The following CPXM2 variants were observed in gnomAD, a reference collection of about 807,000 sequenced individuals.
CPXM2 encodes the protein carboxypeptidase X, M14 family member 2, also known as inactive carboxypeptidase-like protein X2.
Under a neutral mutation model 86.1 loss-of-function variants are expected in CPXM2, and 66 were observed. The ratio of observed to expected loss-of-function variants is 0.77; its 90% CI spans 0.63 to 0.94. The LOEUF (loss-of-function observed/expected upper bound fraction) is 0.94. Ranked by LOEUF, CPXM2 falls within the 40% of genes least tolerant of loss-of-function variation. CPXM2 has a pLI of 0.00. For missense variants in CPXM2, 948 were observed against 1,026.3 expected, an observed-to-expected ratio of 0.92 and a Z score of 1.04; for synonymous variants, 388 against 400.2, an observed-to-expected ratio of 0.97 and a Z score of 0.36.
At position 123,891,646 on chromosome 10, in the gene CPXM2, C is replaced by A. The variant is rs1012503053; in HGVS notation, c.14G>T (p.Gly5Val). The A allele has an allele frequency of 3.5e-6, 5 of 1,446,056 alleles. No homozygotes were observed. Among genetic ancestry groups the A allele is most frequent in the Non-Finnish European group, 4.5e-6 (5 of 1,099,374 alleles). 89.6% of individuals were successfully genotyped at this position (1,446,056 alleles called of 1,614,324 possible). The change falls in exon 1 of 14, where the codon GGG becomes GTG. Residue 5 changes from glycine (G) to valine (V), a missense_variant. Transcript: ENST00000241305. The surrounding 1 kb of genome is among the most constrained non-coding windows in gnomAD (Gnocchi z 5.6). MSRP[G>V]TATPALALVL... ...CAGGGCCAGCGCTGGGGTAGCGGTC[C>A]CCGGGCGGGACATGCCTGCTCCGCC...
chr10:123,856,639 T>C (rs1848730205), intron 3 of CPXM2, among the ~76,000 whole-genome samples: 1 of 152,080 alleles, frequency 6.6e-6, no homozygotes, highest in South Asian at 2.1e-4. Context: ...TCGCCCAGGC[T>C]GGAGTGCAGT....
chr10:123,846,446 C>A (rs1186634772), intron 3 of CPXM2, among the ~76,000 whole-genome samples: 1 of 152,136 alleles, frequency 6.6e-6, no homozygotes, highest in Non-Finnish European at 1.5e-5. Flanking sequence ...GGAGTTCAGG[C>A]CGTAATTTGA....
At chr10:123,895,752 C>G (rs890448446), upstream of CPXM2, among the ~76,000 whole-genome samples, 1 of 152,174 alleles carries the variant, frequency 6.6e-6, no homozygotes, top group Non-Finnish European at 1.5e-5. Flanking sequence ...GTGCTATAAA[C>G]CAGACACACC....
chr10:123,772,086 T>C (rs1203663273), intron 7 of CPXM2, among the ~76,000 whole-genome samples: 3 of 152,194 alleles, frequency 2.0e-5, no homozygotes, highest in Admixed American at 6.5e-5. Flanking sequence ...ATCAACTCCC[T>C]GGTTATGGTG....
rs1307668643 is a variant in CPXM2, at chr10:123,891,624, G to C, written c.36C>G (p.Ala12=). 6.7e-7 allele frequency: 1 copy of C among 1,485,508 alleles called. No individual in the cohort carries two copies. The allele number at this position is 1,485,508 out of a possible 1,614,324, so 92.0% of individuals were successfully genotyped here. The change falls in exon 1 of 14, where the codon GCC becomes GCG. Residue 12 remains alanine, a synonymous_variant. Transcript: ENST00000241305. This position sits in a 1 kb window ranked among gnomAD's most constrained non-coding sequence, Gnocchi z 5.6. ...CCAGGGTCACTGCCAGGAGCACCAG[G>C]GCCAGCGCTGGGGTAGCGGTCCCCG... ...SRPGTATPAL[A]LVLLAVTLAG... is the part of the protein sequence containing the mutation.
intron 3 of CPXM2, among the ~76,000 whole-genome samples, chr10:123,847,915 T>C (rs1352423668): frequency 6.6e-6 from 1 of 152,174 alleles, no homozygotes; most frequent in African/African-American, 2.4e-5. Flanking sequence ...AATCATGGGC[T>C]GCCTCTACAC....
intron 2 of CPXM2, among the ~76,000 whole-genome samples, chr10:123,863,738 C>T (rs565657016): frequency 6.6e-6 from 1 of 152,344 alleles, no homozygotes; most frequent in South Asian, 2.1e-4. Flanking sequence ...AAGCCCCACC[C>T]TGCCACTCTC....
chr10:123,874,392 A>G (rs1261065691), intron 2 of CPXM2, among the ~76,000 whole-genome samples: 7 of 151,268 alleles, frequency 4.6e-5, no homozygotes, highest in African/African-American at 9.7e-5. Flanking sequence ...ACACACACAC[A>G]CACAAAGGCC....
At chr10:123,892,762 C>A (rs2134252954), upstream of CPXM2, among the ~76,000 whole-genome samples, 1 of 152,334 alleles carries the variant, frequency 6.6e-6, no homozygotes, top group African/African-American at 2.4e-5. Context: ...CAGGTATTGG[C>A]TGAATTCAGC....
intron 6 of CPXM2, among the ~76,000 whole-genome samples, chr10:123,781,315 T>C (rs999907408): frequency 6.6e-6 from 1 of 152,190 alleles, no homozygotes; most frequent in African/African-American, 2.4e-5. Flanking sequence ...TGCATTCCTA[T>C]AAGCCTGTAT....
intron 3 of CPXM2, among the ~76,000 whole-genome samples, chr10:123,857,759 C>T (rs1848768221): frequency 2.0e-5 from 3 of 152,182 alleles, no homozygotes; most frequent in Non-Finnish European, 2.9e-5. Context: ...CCACTGACGC[C>T]GAGGAACAGG....
intron 8 of CPXM2, 35 bp from the exon 9 acceptor site, chr10:123,768,757 G>A (rs376782848): frequency 1.6e-5 from 25 of 1,583,264 alleles, no homozygotes; most frequent in East Asian, 4.5e-5. Flanking sequence ...ACAGGTTCAC[G>A]TTGAAACACT....
In CPXM2 at chr10:123,745,830, AT is replaced by A. The variant is rs1449998080; in HGVS notation, c.*933del. ...ATCTGGAAGATCTGGCATTCTACAT[AT>A]CAAAAATAACTCCCAGGCTGATATG... On this transcript the variant is annotated 3_prime_UTR_variant, in exon 14 of 14. Transcript: ENST00000241305. 13 of 151,986 alleles carry A rather than the reference AT, an allele frequency of 8.6e-5. No individual in the cohort carries two copies. Among genetic ancestry groups the A allele is most frequent in the Admixed American group, 2.6e-4 (4 of 15,266 alleles). 9.4% of individuals were successfully genotyped at this position (151,986 alleles called of 1,614,324 possible).
intron 7 of CPXM2, among the ~76,000 whole-genome samples, chr10:123,775,943 G>T (rs1219248334): frequency 6.6e-6 from 1 of 152,176 alleles, no homozygotes; most frequent in African/African-American, 2.4e-5. Flanking sequence ...TCTTGTAAAG[G>T]AATACATTTC....
At chr10:123,933,746 C>CT (rs1945689325) in intron 2 of CPXM2, among the ~76,000 whole-genome samples, 1 of 148,088 alleles carries the variant, frequency 6.8e-6, no homozygotes, top group Admixed American at 6.6e-5. Context: ...CAAAACAAAA[C>CT]TAAAAAAAAA....
intron 4 of CPXM2, among the ~76,000 whole-genome samples, chr10:123,801,470 C>T (rs558779309): frequency 6.6e-6 from 1 of 152,220 alleles, no homozygotes; most frequent in African/African-American, 2.4e-5. Context: ...AATCCATCAC[C>T]AAGTTCTGTC....
chr10:123,880,624 TC>T (rs1221727045), intron 1 of CPXM2, among the ~76,000 whole-genome samples: 2 of 151,904 alleles, frequency 1.3e-5, no homozygotes, highest in African/African-American at 4.8e-5. Flanking sequence ...GGTCAGGAGA[TC>T]AAGACCATCC....
chr10:123,893,826 G>A (rs1164411783), upstream of CPXM2, among the ~76,000 whole-genome samples: 1 of 152,196 alleles, frequency 6.6e-6, no homozygotes, highest in African/African-American at 2.4e-5. Context: ...TGTGTGAAGC[G>A]CTAACAAGAG....
chr10:123,746,687 G>C lies in CPXM2; in HGVS notation c.*77C>G. On this transcript the variant is annotated 3_prime_UTR_variant, in exon 14 of 14. Transcript: ENST00000241305. ...TGAATTACAGAGGAAACAACAGTGAGTGAGTCCACTATGGAGCTACTACCA... is the reference window on the plus strand; with the variant it reads ...TGAATTACAGAGGAAACAACAGTGACTGAGTCCACTATGGAGCTACTACCA... 3.0e-6 allele frequency: 4 copies of C among 1,355,816 alleles called. No individual in the cohort carries two copies. The highest frequency in any genetic ancestry group is 1.3e-5 in the South Asian group (1 of 78,024). 84.0% of individuals were successfully genotyped at this position (1,355,816 alleles called of 1,614,324 possible). A position where few individuals can be genotyped will look rare whatever the true frequency, so the allele number is the denominator to read the frequency against.
Sources: allele counts gnomAD v4.1 joint callset (sites outside exome capture counted in the v4.1 genomes callset), GRCh38; gene constraint gnomAD v4.1.1; non-coding constraint Gnocchi (gnomAD v3.1); transcripts MANE v1.5; gene names NCBI Gene and HGNC (gene_info 2026-07-23, HGNC 2026-07-21).